Variants in FNDC3B observed in about 807,000 individuals in gnomAD.
The protein encoded by FNDC3B is fibronectin type III domain containing 3B.
Under a neutral mutation model 151.5 loss-of-function variants are expected in FNDC3B, and 12 were observed. The observed-to-expected ratio is 0.08, with a 90% CI of 0.05 to 0.13. The LOEUF (loss-of-function observed/expected upper bound fraction) is 0.13, where lower values mean the gene tolerates loss of function less well. Among genes scored for constraint, FNDC3B ranks in the 10% least tolerant of loss-of-function variants. FNDC3B has a pLI of 1.00. For synonymous variants in FNDC3B, 528 were observed against 549.0 expected (o/e 0.96, Z 0.54); for missense variants, 1,214 against 1,505.3 (o/e 0.81, Z 3.20).
chr3:172,108,542 A>C (rs1186723898), intron 1 of FNDC3B, among the ~76,000 whole-genome samples: 1 of 152,200 alleles, frequency 6.6e-6, no homozygotes, highest in Non-Finnish European at 1.5e-5. Flanking sequence ...AGTTAAGTCC[A>C]CGTGTAGTTT....
intron 6 of FNDC3B, among the ~76,000 whole-genome samples, chr3:172,270,791 C>G (rs977461913): frequency 6.6e-6 from 1 of 152,128 alleles, no homozygotes; most frequent in Non-Finnish European, 1.5e-5. Flanking sequence ...ATAGATAATA[C>G]GAATTGCTAA....
In FNDC3B at chr3:172,335,182, G is replaced by A. The variant is rs377485996; in HGVS notation, c.1780+100G>A. On this transcript the variant is annotated intron_variant, in intron 15 of 25. Coordinates refer to ENST00000415807, the MANE Select transcript of FNDC3B (RefSeq NM_022763.4). ...AGTAGTGACAAGCCAAAAAAATTGT[G>A]GATGGTATTTGCAGAAGTTTTCTGC... The A allele has an allele frequency of 8.5e-6, 11 of 1,287,082 alleles. No homozygotes were observed. The African/African-American group carries it at 1.4e-4, about 16-fold the overall frequency. 79.7% of individuals were successfully genotyped at this position (1,287,082 alleles called of 1,614,324 possible). A position where few individuals can be genotyped will look rare whatever the true frequency, so the allele number is the denominator to read the frequency against.
At chr3:172,155,594 T>C (rs931161455) in intron 3 of FNDC3B, among the ~76,000 whole-genome samples, 1 of 152,204 alleles carries the variant, frequency 6.6e-6, no homozygotes, top group African/African-American at 2.4e-5. Flanking sequence ...TTTTCCAGTG[T>C]TTTCCCCTTT....
At chr3:172,300,489 A>C (rs1730851025) in intron 9 of FNDC3B, among the ~76,000 whole-genome samples, 1 of 152,108 alleles carries the variant, frequency 6.6e-6, no homozygotes, top group Non-Finnish European at 1.5e-5. Flanking sequence ...CCTTATTACA[A>C]AGGGTAAATT....
At chr3:172,301,909 A>C (rs1350222959) in intron 9 of FNDC3B, 1 of 152,194 alleles carries the variant, frequency 6.6e-6, no homozygotes, top group Non-Finnish European at 1.5e-5. Flanking sequence ...TTGTTTGTGC[A>C]TTACCAATTT....
chr3:172,236,592 C>T (rs1727176862), intron 4 of FNDC3B, among the ~76,000 whole-genome samples: 1 of 152,056 alleles, frequency 6.6e-6, no homozygotes, highest in Non-Finnish European at 1.5e-5. Flanking sequence ...TTTTTTTGGA[C>T]CCCTACTTTG....
intron 6 of FNDC3B, among the ~76,000 whole-genome samples, chr3:172,284,989 C>G (rs1439559375): frequency 1.3e-5 from 2 of 151,990 alleles, no homozygotes; most frequent in Non-Finnish European, 2.9e-5. Context: ...TTCTTAAGTT[C>G]TATCACTTAT....
intron 3 of FNDC3B, among the ~76,000 whole-genome samples, chr3:172,195,230 T>C (rs574973148): frequency 6.6e-6 from 1 of 152,152 alleles, no homozygotes; most frequent in African/African-American, 2.4e-5. Context: ...CCATTTTTGT[T>C]TGCTTAGAGT....
At chr3:172,130,497 TG>T (rs1195673867) in intron 2 of FNDC3B, among the ~76,000 whole-genome samples, 1 of 151,652 alleles carries the variant, frequency 6.6e-6, no homozygotes. Context: ...AGAAGTGGGA[TG>T]GGGGTCAGGA....
At chr3:172,293,544 A>G (rs1263388333) in intron 7 of FNDC3B, among the ~76,000 whole-genome samples, 1 of 152,174 alleles carries the variant, frequency 6.6e-6, no homozygotes, top group East Asian at 1.9e-4. Flanking sequence ...GGGAGTCTCA[A>G]AGCCCAAGGG....
intron 3 of FNDC3B, among the ~76,000 whole-genome samples, chr3:172,167,052 T>C (rs986779898): frequency 2.6e-5 from 4 of 152,194 alleles, no homozygotes; most frequent in African/African-American, 9.7e-5. Context: ...GCCTATTTTA[T>C]AGATAAGGAA....
intron 5 of FNDC3B, among the ~76,000 whole-genome samples, chr3:172,248,855 T>C (rs1727922468): frequency 6.7e-6 from 1 of 149,296 alleles, no homozygotes; most frequent in African/African-American, 2.5e-5. Context: ...AATTTGACTG[T>C]ATGTGTGTTT....
intron 1 of FNDC3B, among the ~76,000 whole-genome samples, chr3:172,107,646 G>C (rs763711366): frequency 2.6e-5 from 4 of 152,164 alleles, no homozygotes; most frequent in African/African-American, 4.8e-5. Context: ...ATGAGTTACA[G>C]TGCGGTTATC....
chr3:172,309,493 A>G (rs1410014690), intron 10 of FNDC3B, among the ~76,000 whole-genome samples: 4 of 140,442 alleles, frequency 2.8e-5, no homozygotes, highest in Non-Finnish European at 5.9e-5. Context: ...GAGAACTTTG[A>G]TTTTGTCAGT....
At chr3:172,084,626 G>A (rs1718459618) in intron 1 of FNDC3B, among the ~76,000 whole-genome samples, 1 of 152,132 alleles carries the variant, frequency 6.6e-6, no homozygotes, top group South Asian at 2.1e-4. Flanking sequence ...CGTAAGTTGG[G>A]GCTACATAGA....
chr3:172,184,965 T>G (rs763553950), intron 3 of FNDC3B, among the ~76,000 whole-genome samples: 1 of 152,148 alleles, frequency 6.6e-6, no homozygotes, highest in Non-Finnish European at 1.5e-5. Context: ...AGACTCAAAA[T>G]ACAAACATTA....
chr3:172,139,893 T>C (rs1036871930), intron 3 of FNDC3B, among the ~76,000 whole-genome samples: 2 of 152,020 alleles, frequency 1.3e-5, no homozygotes, highest in Non-Finnish European at 2.9e-5. Flanking sequence ...CCTCCTGAGC[T>C]CAAGTGATCT....
chr3:172,109,738 A>G (rs1050695261), intron 1 of FNDC3B, among the ~76,000 whole-genome samples: 1 of 152,174 alleles, frequency 6.6e-6, no homozygotes, highest in Non-Finnish European at 1.5e-5. Context: ...ATTTCTAGTA[A>G]CCACTGAACA....
At chr3:172,065,083 C>T (rs1054060743) in intron 1 of FNDC3B, among the ~76,000 whole-genome samples, 1 of 152,178 alleles carries the variant, frequency 6.6e-6, no homozygotes, top group Non-Finnish European at 1.5e-5. Context: ...CCTGTAATCC[C>T]AGCACTTTGG....
Sources: allele counts gnomAD v4.1 joint callset (sites outside exome capture counted in the v4.1 genomes callset), GRCh38; gene constraint gnomAD v4.1.1; transcripts MANE v1.5; gene names NCBI Gene and HGNC (gene_info 2026-07-23, HGNC 2026-07-21).